The following NSUN6 variants were observed in gnomAD, a reference collection of about 807,000 sequenced individuals.
NSUN6 encodes the protein NOP2/Sun RNA methyltransferase 6, also known as tRNA (cytosine(72)-C(5))-methyltransferase NSUN6.
NSUN6 carries 64 observed loss-of-function variants against 58.0 expected under a neutral mutation model. The ratio of observed to expected loss-of-function variants is 1.10; its 90% confidence interval spans 0.90 to 1.36. NSUN6 has a LOEUF of 1.36. NSUN6 is among the 40% of genes most tolerant of loss of function. NSUN6 has a pLI of 0.00. For missense variants in NSUN6, 701 were observed against 550.1 expected (o/e 1.27, Z -2.74); for synonymous variants, 231 against 193.9 (o/e 1.19, Z -1.59).
At position 18,616,241 on chromosome 10, in the gene NSUN6, T is replaced by A; in HGVS notation, c.364A>T (p.Asn122Tyr). The A allele has an allele frequency of 6.2e-7, 1 of 1,611,790 alleles. No homozygotes were observed. The highest frequency in any genetic ancestry group is 8.5e-7 in the Non-Finnish European group (1 of 1,177,892). The part of the protein sequence containing the change: ...CEAIVGAQCG[N>Y]AVLRGAHVYA... ...ACATGGGCTCCTCTTAAAACTGCAT[T>A]GCCACACTGGGCTCCAACAATGGCT... is the stretch of plus-strand genomic sequence containing the variant. The change falls in exon 4 of 11, where the codon AAT becomes TAT. Residue 122 changes from asparagine to tyrosine, a missense_variant. By Grantham distance (143) the Asn-to-Tyr change is moderately radical (BLOSUM62 -2). Coordinates refer to ENST00000377304, the MANE Select transcript of NSUN6 (RefSeq NM_182543.5).
At chr10:18,553,005 CTCTAA>C (rs1290109237) in intron 8 of NSUN6, among the ~76,000 whole-genome samples, 5 of 150,186 alleles carry the variant, frequency 3.3e-5, no homozygotes, top group East Asian at 4.0e-4. Flanking sequence ...CCACTCCATT[CTCTAA>C]TCTATTCTCC....
chr10:18,559,994 G>A (rs777226363), intron 8 of NSUN6, among the ~76,000 whole-genome samples: 1 of 149,882 alleles, frequency 6.7e-6, no homozygotes, highest in Non-Finnish European at 1.5e-5. Flanking sequence ...GAATGGAATA[G>A]AGAATGGAAT....
chr10:18,551,288 GT>G (rs2054588426), intron 9 of NSUN6, among the ~76,000 whole-genome samples: 1 of 146,964 alleles, frequency 6.8e-6, no homozygotes, highest in Non-Finnish European at 1.5e-5. Flanking sequence ...GTGTGTGTGT[GT>G]GTGGTAAAAT....
chr10:18,627,953 C>G (rs2058881578), intron 3 of NSUN6, among the ~76,000 whole-genome samples: 6 of 152,378 alleles, frequency 3.9e-5, no homozygotes, highest in Admixed American at 3.9e-4. Flanking sequence ...CCTCTGGGGG[C>G]AGGGCACAGA....
intron 1 of NSUN6, 87 bp from the exon 2 acceptor site, chr10:18,648,732 T>C: frequency 1.4e-6 from 1 of 724,206 alleles, no homozygotes; most frequent in African/African-American, 1.8e-5. Context: ...TAATGAAACA[T>C]CGCTTAGCAA....
In NSUN6 at chr10:18,546,137, C is replaced by A. The variant is rs1026801671; in HGVS notation, c.1206G>T (p.Gln402His). 4.3e-6 allele frequency: 7 copies of A among 1,611,024 alleles called. No homozygotes were observed. The African/African-American group carries it at 9.4e-5, about 22-fold the overall frequency. Residue 402 changes from glutamine to histidine, a missense_variant, in exon 11 of 11, where the codon CAG (glutamine) becomes CAT (histidine). Gln to His is a conservative substitution (Grantham distance 24). Coordinates refer to ENST00000377304, the MANE Select transcript of NSUN6 (RefSeq NM_182543.5). Reference protein sequence around the residue: ...PCLQLQPQEPQIGGEGMRGAG... With the variant: ...PCLQLQPQEPHIGGEGMRGAG... Reference sequence around the variant, plus strand: ...CTCCCCTCATTCCTTCTCCTCCAATCTGCGGTTCCTGTTTGGAGAAAGTGG... The same window carrying A: ...CTCCCCTCATTCCTTCTCCTCCAATATGCGGTTCCTGTTTGGAGAAAGTGG...
intron 8 of NSUN6, among the ~76,000 whole-genome samples, chr10:18,577,158 C>G (rs2056691468): frequency 6.6e-6 from 1 of 152,140 alleles, no homozygotes; most frequent in Non-Finnish European, 1.5e-5. Context: ...GGCTACTAGC[C>G]AGATAGCTTG....
intron 8 of NSUN6, among the ~76,000 whole-genome samples, chr10:18,583,259 G>A (rs527997819): frequency 3.3e-5 from 5 of 152,120 alleles, no homozygotes; most frequent in South Asian, 2.1e-4. Flanking sequence ...ACCTTTTACC[G>A]TAATTTGCCA....
In NSUN6 at chr10:18,651,260, T is replaced by TG. The variant is rs569040492; in HGVS notation, c.-58_-57insC. ...AATGCTGGAAAACGGTGTTTTGTTT[T>TG]TTTTTTTCTTTCCGAATTAATAGTG... On this transcript the variant is annotated 5_prime_UTR_variant, in exon 1 of 11. Coordinates refer to ENST00000377304, the MANE Select transcript of NSUN6 (RefSeq NM_182543.5). 557 of 1,502,842 alleles carry TG rather than the reference T, an allele frequency of 3.7e-4. 3 individuals are homozygous for TG. In the East Asian group the frequency reaches 8.9e-3, roughly 24 times the overall value. 93.1% of individuals were successfully genotyped at this position (1,502,842 alleles called of 1,614,324 possible). A position where few individuals can be genotyped will look rare whatever the true frequency, so the allele number is the denominator to read the frequency against.
chr10:18,618,511 C>G (rs1230479803), intron 3 of NSUN6, among the ~76,000 whole-genome samples: 1 of 151,764 alleles, frequency 6.6e-6, no homozygotes, highest in African/African-American at 2.4e-5. Context: ...AAGAAATCCC[C>G]GTCTCTACTA....
intron 1 of NSUN6, among the ~76,000 whole-genome samples, chr10:18,650,297 T>G (rs187057875): frequency 1.2e-3 from 176 of 152,236 alleles, no homozygotes; most frequent in African/African-American, 4.0e-3. Flanking sequence ...AGAGGCAGCA[T>G]GGTAAAATGG....
intron 8 of NSUN6, among the ~76,000 whole-genome samples, chr10:18,576,473 G>A (rs569982824): frequency 6.6e-6 from 1 of 152,252 alleles, no homozygotes; most frequent in East Asian, 1.9e-4. Context: ...TAAAGAGCAA[G>A]GATGGACTGC....
At chr10:18,657,853 C>T (rs2059794520), upstream of NSUN6, among the ~76,000 whole-genome samples, 1 of 152,030 alleles carries the variant, frequency 6.6e-6, no homozygotes, top group Admixed American at 6.6e-5. Context: ...ACTTCGTGAT[C>T]CACCCGCCTC....
At chr10:18,596,172 A>C (rs773200461) in intron 7 of NSUN6, 36 bp downstream of exon 7, 4 of 1,561,624 alleles carry the variant, frequency 2.6e-6, no homozygotes. Context: ...AATATACACT[A>C]CTTTGAGAGT....
intron 8 of NSUN6, among the ~76,000 whole-genome samples, chr10:18,576,826 G>C (rs1296201342): frequency 1.3e-5 from 2 of 152,200 alleles, no homozygotes; most frequent in Non-Finnish European, 2.9e-5. Flanking sequence ...CAAGTAACTG[G>C]AGTGGCACCT....
At chr10:18,627,335 T>TA (rs1238118243) in intron 3 of NSUN6, among the ~76,000 whole-genome samples, 3 of 152,024 alleles carry the variant, frequency 2.0e-5, no homozygotes, top group East Asian at 3.8e-4. Flanking sequence ...GAGCTTTTAG[T>TA]AAAAAATCAG....
chr10:18,652,865 C>G (rs2059733566), upstream of NSUN6: 1 of 980,340 alleles, frequency 1.0e-6, no homozygotes, highest in South Asian at 4.8e-5. Flanking sequence ...AGCCCATTTT[C>G]TCTGTTTTAA....
chr10:18,583,501 TA>T (rs1367182880), intron 8 of NSUN6, among the ~76,000 whole-genome samples: 11 of 152,212 alleles, frequency 7.2e-5, no homozygotes, highest in Admixed American at 2.0e-4. Context: ...GACCCATTGG[TA>T]GGGGAGAAAA....
At chr10:18,606,071 A>G (rs1001345740) in intron 6 of NSUN6, among the ~76,000 whole-genome samples, 9 of 152,224 alleles carry the variant, frequency 5.9e-5, no homozygotes, top group Non-Finnish European at 1.2e-4. Flanking sequence ...TGCCTGATGC[A>G]TAATAAATAT....
Sources: gnomAD v4.1 joint callset for allele counts (sites outside exome capture counted in the v4.1 genomes callset) on GRCh38, gnomAD v4.1.1 for gene constraint, MANE v1.5 for transcripts, NCBI Gene and HGNC (gene_info 2026-07-23, HGNC 2026-07-21) for gene names.